The following MYO16 variants were observed in gnomAD, a reference collection of about 807,000 sequenced individuals.
MYO16 encodes unconventional myosin-XVI.
In MYO16, 94 loss-of-function variants were observed where a neutral mutation model predicts 205.3. That is an observed-to-expected ratio of 0.46 (90% CI 0.39 to 0.54). The LOEUF is 0.54. MYO16 is among the 20% of genes least tolerant of loss of function. The pLI is 0.00. For synonymous variants in MYO16, 988 were observed against 954.0 expected (o/e 1.04, Z -0.66); for missense variants, 2,315 against 2,387.5 (o/e 0.97, Z 0.63).
intron 27 of MYO16, among the ~76,000 whole-genome samples, chr13:109,063,022 AC>A (rs1278173497): frequency 6.6e-6 from 1 of 152,180 alleles, no homozygotes; most frequent in Admixed American, 6.6e-5. Flanking sequence ...AACAACAACA[AC>A]AAAATGTCCA....
chr13:108,790,914 T>C (rs1480343958), intron 5 of MYO16, among the ~76,000 whole-genome samples: 1 of 152,208 alleles, frequency 6.6e-6, no homozygotes, highest in Non-Finnish European at 1.5e-5. Context: ...TTTTTATCAC[T>C]CCATTTTAAA....
rs113158038 is a variant in MYO16, at chr13:108,929,602, A to AT, written c.1925+19460dup. On this transcript the variant is annotated intron_variant, in intron 16 of 34. Transcript: ENST00000457511. ...GGAGCACACCTGGCAATATCTGGAGATTTTTTTTGGCTGTCACAACTCAGG... is the reference window on the plus strand; with the variant it reads ...GGAGCACACCTGGCAATATCTGGAGATTTTTTTTTGGCTGTCACAACTCAGG... Among the ~76,000 whole-genome samples, 1,296 of 152,054 alleles carry AT rather than the reference A, an allele frequency of 8.5e-3. 19 individuals carry two copies. The highest frequency in any genetic ancestry group is 0.028 in the African/African-American group (1,175 of 41,476).
At chr13:108,622,135 A>G (rs559370899) in intron 1 of MYO16, among the ~76,000 whole-genome samples, 2 of 152,268 alleles carry the variant, frequency 1.3e-5, no homozygotes, top group East Asian at 3.9e-4. Context: ...AGGGGTTTCT[A>G]CTAGTCATTG....
chr13:108,668,256 A>T (rs969737403), intron 2 of MYO16, among the ~76,000 whole-genome samples: 7 of 152,168 alleles, frequency 4.6e-5, no homozygotes, highest in African/African-American at 1.4e-4. Flanking sequence ...GTAGGTGTGA[A>T]ACTATGCAAC....
chr13:108,545,166 C>T, the MYO16 span, among the ~76,000 whole-genome samples: 1 of 152,120 alleles, frequency 6.6e-6, no homozygotes, highest in Non-Finnish European at 1.5e-5. Flanking sequence ...CCATCCTCTA[C>T]CCTCAGGGAG....
At chr13:108,852,439 C>G (rs1189295178) in intron 10 of MYO16, among the ~76,000 whole-genome samples, 1 of 152,142 alleles carries the variant, frequency 6.6e-6, no homozygotes, top group Non-Finnish European at 1.5e-5. Flanking sequence ...CTGTGTGACC[C>G]TAGAAAAACT....
rs576202278 is a variant in MYO16, at chr13:109,125,812, T to C, written c.3782+454T>C. Among the ~76,000 whole-genome samples the C allele has an allele frequency of 3.9e-5, 6 of 152,344 alleles. No individual in the cohort carries two copies. Among genetic ancestry groups the C allele is most frequent in the African/African-American group, 1.2e-4 (5 of 41,580 alleles). ...AGAAGTGAACTCAATAGATAGATTG[T>C]AAGTGTATTATATATCCCTGTGTAA... On this transcript the variant is annotated intron_variant, in intron 30 of 34. Transcript: ENST00000457511. The surrounding 1 kb of genome is among the most constrained non-coding windows in gnomAD (Gnocchi z 4.0).
intron 5 of MYO16, among the ~76,000 whole-genome samples, chr13:108,786,354 G>A (rs752934153): frequency 4.7e-4 from 72 of 152,336 alleles, no homozygotes; most frequent in Non-Finnish European, 8.1e-4. Flanking sequence ...AGTAAGTGCA[G>A]CCTTGGGAAA....
At chr13:109,036,497 T>C (rs1023659863) in intron 23 of MYO16, among the ~76,000 whole-genome samples, 2 of 152,206 alleles carry the variant, frequency 1.3e-5, no homozygotes, top group Non-Finnish European at 2.9e-5. Flanking sequence ...CAGCAAGTAC[T>C]TCCAAAAAAG....
intron 33 of MYO16, among the ~76,000 whole-genome samples, chr13:109,171,256 A>G (rs1259635737): frequency 2.0e-5 from 3 of 152,350 alleles, no homozygotes; most frequent in African/African-American, 7.2e-5. Flanking sequence ...AACATTACAC[A>G]TGTGCAGAAT....
At chr13:108,812,267 C>T (rs572899010) in intron 7 of MYO16, among the ~76,000 whole-genome samples, 7 of 152,240 alleles carry the variant, frequency 4.6e-5, no homozygotes, top group East Asian at 1.9e-4. Flanking sequence ...CCACAACTTG[C>T]GGTAGTTGTC....
intron 1 of MYO16, among the ~76,000 whole-genome samples, chr13:108,664,956 G>A (rs1881660374): frequency 6.6e-6 from 1 of 152,192 alleles, no homozygotes; most frequent in Non-Finnish European, 1.5e-5. Flanking sequence ...ACAATTTTGA[G>A]AAATATCTCT....
At chr13:109,155,725 A>G (rs58697345) in intron 32 of MYO16, among the ~76,000 whole-genome samples, 33,525 of 152,108 alleles carry the variant, frequency 0.22, 4,116 homozygotes, top group Middle Eastern at 0.31. Context: ...TTCAAAAGGC[A>G]ATTAGAATTG....
intron 27 of MYO16, among the ~76,000 whole-genome samples, chr13:109,069,191 A>G (rs1460880669): frequency 1.3e-5 from 2 of 152,248 alleles, no homozygotes; most frequent in African/African-American, 4.8e-5. Context: ...GAGAAAGGAA[A>G]GTTCAAAGAT....
intron 31 of MYO16, among the ~76,000 whole-genome samples, chr13:109,135,528 G>T (rs1279835401): frequency 6.6e-6 from 1 of 152,158 alleles, no homozygotes; most frequent in Non-Finnish European, 1.5e-5. Flanking sequence ...TTGCTATGTT[G>T]TCCAAGCTGG....
chr13:108,611,792 GA>G (rs796733635), intron 1 of MYO16, among the ~76,000 whole-genome samples: 161 of 145,040 alleles, frequency 1.1e-3, no homozygotes, highest in African/African-American at 3.4e-3. Flanking sequence ...CTTGTAAATT[GA>G]AAAAAAAAAT....
intron 4 of MYO16, among the ~76,000 whole-genome samples, chr13:108,761,496 G>C (rs1456236017): frequency 1.3e-5 from 2 of 152,180 alleles, no homozygotes; most frequent in East Asian, 3.9e-4. Context: ...TCTATGCACA[G>C]GGTTTAATAG....
At chr13:108,813,784 A>G (rs74121456) in intron 7 of MYO16, among the ~76,000 whole-genome samples, 2,331 of 152,260 alleles carry the variant, frequency 0.015, 52 homozygotes, top group African/African-American at 0.053. Context: ...AATAGCAAAG[A>G]TGAGTTGCAG....
At chr13:108,774,784 A>C (rs1330131502) in intron 4 of MYO16, among the ~76,000 whole-genome samples, 1 of 152,204 alleles carries the variant, frequency 6.6e-6, no homozygotes, top group African/African-American at 2.4e-5. Flanking sequence ...ATGTGCACAA[A>C]CCCTTAAGGT....
Sources: allele counts gnomAD v4.1 joint callset (sites outside exome capture counted in the v4.1 genomes callset), GRCh38; gene constraint gnomAD v4.1.1; non-coding constraint Gnocchi (gnomAD v3.1); transcripts MANE v1.5; gene names NCBI Gene and HGNC (gene_info 2026-07-23, HGNC 2026-07-21).